The following ZDHHC21 variants were observed in gnomAD, a reference collection of about 807,000 sequenced individuals.
ZDHHC21 encodes the protein zDHHC palmitoyltransferase 21.
A neutral mutation model predicts 34.6 loss-of-function variants in ZDHHC21; 15 were observed. The observed-to-expected ratio is 0.43, with a 90% CI of 0.29 to 0.67. ZDHHC21 has a LOEUF of 0.67. ZDHHC21 is among the 30% of genes least tolerant of loss of function. The pLI is 0.14. For synonymous variants in ZDHHC21, 142 were observed against 101.8 expected, an observed-to-expected ratio of 1.40 and a Z score of -2.38; for missense variants, 344 against 327.7, an observed-to-expected ratio of 1.05 and a Z score of -0.38.
At position 14,614,604 on chromosome 9, in the gene ZDHHC21, T is replaced by C. The variant is rs974695865; in HGVS notation, c.*4362A>G. ...GAATTCAACTGAGAATGACTAAATA[T>C]AGAGCACAATGAAATCTGTGATTTA... On this transcript the variant is annotated 3_prime_UTR_variant, in exon 10 of 10. Coordinates refer to ENST00000380916, the MANE Select transcript of ZDHHC21 (RefSeq NM_178566.6). 1 of 151,728 alleles carries C rather than the reference T, an allele frequency of 6.6e-6. No individual in the cohort carries two copies. Among genetic ancestry groups the C allele is most frequent in the Non-Finnish European group, 1.5e-5 (1 of 67,724 alleles). 9.4% of individuals were successfully genotyped at this position (151,728 alleles called of 1,614,324 possible). A position where few individuals can be genotyped will look rare whatever the true frequency, so the allele number is the denominator to read the frequency against.
chr9:14,619,091 G>A lies in ZDHHC21; in HGVS notation c.673C>T (p.Pro225Ser), dbSNP rs755458582. 3.1e-6 allele frequency: 5 copies of A among 1,608,014 alleles called. No homozygotes were observed. Among genetic ancestry groups the A allele is most frequent in the South Asian group, 2.2e-5 (2 of 90,164 alleles). ...MSNCCEDISRPRKPWQQTFSE... is the reference protein window; with the variant it reads ...MSNCCEDISRSRKPWQQTFSE... The stretch of plus-strand genomic sequence containing the variant: ...AAGGTCTGCTGCCATGGCTTTCGGG[G>A]CCTCGATCTACAGAAGACAGCATTA... Residue 225 changes from proline (P) to serine (S), a missense_variant, in exon 10 of 10, where the codon CCC becomes TCC. Pro to Ser is a moderately conservative substitution (Grantham distance 74). Transcript: ENST00000380916.
rs554483655 is a variant in ZDHHC21 at position 14,635,762 on chromosome 9, G to A, written c.621+4134C>T. On this transcript the variant is annotated intron_variant, in intron 8 of 9. Transcript: ENST00000380916. ...GTATAAAACCCACTCTTGGGTGGTTGAGGCACAAGAATTGCTTGAACCTGG... is the reference window on the plus strand; with the variant it reads ...GTATAAAACCCACTCTTGGGTGGTTAAGGCACAAGAATTGCTTGAACCTGG... Among the ~76,000 whole-genome samples the A allele has an allele frequency of 2.0e-5, 3 of 152,292 alleles. No homozygotes were observed. The East Asian group carries it at 5.8e-4, about 29-fold the overall frequency.
rs62532736 is a variant in ZDHHC21, at chr9:14,636,058, T to A, written c.621+3838A>T. ...AAATGACAGGAGTAAGCCTCACATA[T>A]CAATAATAATCTTTAATGTAAATGG... On this transcript the variant is annotated intron_variant, in intron 8 of 9. Coordinates refer to ENST00000380916, the MANE Select transcript of ZDHHC21 (RefSeq NM_178566.6). 2.0e-5 allele frequency among the ~76,000 whole-genome samples: 3 copies of A among 152,026 alleles called. No individual in the cohort carries two copies. In the East Asian group the frequency reaches 5.8e-4, roughly 29 times the overall value.
At chr9:14,650,025 T>A (rs1042045800) in intron 7 of ZDHHC21, among the ~76,000 whole-genome samples, 1 of 152,064 alleles carries the variant, frequency 6.6e-6, no homozygotes, top group African/African-American at 2.4e-5. Context: ...AAATTTTCTA[T>A]GTTAAATGCT....
At position 14,617,635 on chromosome 9, in the gene ZDHHC21, A is replaced by G. The variant is rs1286197537; in HGVS notation, c.*1331T>C. 6.6e-6 allele frequency: 1 copy of G among 152,048 alleles called. No homozygotes were observed. The highest frequency in any genetic ancestry group is 1.5e-5 in the Non-Finnish European group (1 of 67,954). The allele number at this position is 152,048 out of a possible 1,614,324, so 9.4% of individuals were successfully genotyped here. On this transcript the variant is annotated 3_prime_UTR_variant, in exon 10 of 10. Transcript: ENST00000380916. ...AGATATATGGGTTTTGCAGTATTCTAATGGAAAAAAACTAAAAGCTGAGTT... is the reference window on the plus strand; with the variant it reads ...AGATATATGGGTTTTGCAGTATTCTGATGGAAAAAAACTAAAAGCTGAGTT...
intron 7 of ZDHHC21, among the ~76,000 whole-genome samples, chr9:14,654,397 C>T (rs1011973255): frequency 6.6e-6 from 1 of 150,594 alleles, no homozygotes; most frequent in Non-Finnish European, 1.5e-5. Flanking sequence ...TATATCCTAT[C>T]AAAAAAAAAG....
chr9:14,589,419 C>T, the ZDHHC21 span: 2 of 152,044 alleles, frequency 1.3e-5, no homozygotes. Flanking sequence ...TGTTTGCAGT[C>T]ACTTGGTAGA....
the ZDHHC21 span, among the ~76,000 whole-genome samples, chr9:14,592,655 T>A: frequency 5.9e-5 from 9 of 152,078 alleles, no homozygotes; most frequent in African/African-American, 2.2e-4. Flanking sequence ...AACAAACACA[T>A]CAACCAACTG....
intron 7 of ZDHHC21, among the ~76,000 whole-genome samples, chr9:14,645,330 A>T (rs1830101267): frequency 1.3e-5 from 2 of 152,108 alleles, no homozygotes; most frequent in African/African-American, 2.4e-5. Flanking sequence ...ATTAGGAGAA[A>T]GATGGCACTA....
At chr9:14,599,248 G>A in the ZDHHC21 span, among the ~76,000 whole-genome samples, 5 of 152,114 alleles carry the variant, frequency 3.3e-5, no homozygotes, top group African/African-American at 4.8e-5. Flanking sequence ...TGAGGTACCC[G>A]GCTCATCTCA....
intron 2 of ZDHHC21, chr9:14,683,794 C>T (rs200978793): frequency 6.6e-6 from 1 of 152,166 alleles, no homozygotes; most frequent in Admixed American, 6.6e-5. Flanking sequence ...TCGATGCAAA[C>T]ATCCTCAGTA....
chr9:14,645,505 A>G (rs1034416255), intron 7 of ZDHHC21, among the ~76,000 whole-genome samples: 10 of 152,182 alleles, frequency 6.6e-5, no homozygotes, highest in Non-Finnish European at 1.5e-4. Context: ...AGATGATAAT[A>G]AAGGAGAATT....
At chr9:14,591,884 G>A in the ZDHHC21 span, among the ~76,000 whole-genome samples, 5 of 151,710 alleles carry the variant, frequency 3.3e-5, no homozygotes, top group East Asian at 9.6e-4. Flanking sequence ...TAGCTCTTAT[G>A]ATTACTGCTT....
At position 14,615,447 on chromosome 9, in the gene ZDHHC21, C is replaced by CT. The variant is rs1564176786; in HGVS notation, c.*3518dup. 2 of 151,626 alleles carry CT rather than the reference C, an allele frequency of 1.3e-5. No individual in the cohort carries two copies. The highest frequency in any genetic ancestry group is 2.4e-5 in the African/African-American group (1 of 41,378). 9.4% of individuals were successfully genotyped at this position (151,626 alleles called of 1,614,324 possible). The stretch of plus-strand genomic sequence containing the variant: ...ATTTCATTATTAAAAATAAACCATG[C>CT]TTTTTTTCTGAAAAAGTTAATATGT... On this transcript the variant is annotated 3_prime_UTR_variant, in exon 10 of 10. Transcript: ENST00000380916.
intron 8 of ZDHHC21, among the ~76,000 whole-genome samples, chr9:14,639,293 G>T (rs2382493): frequency 0.97 from 147,045 of 152,170 alleles, 71,074 homozygotes; most frequent in East Asian, 0.99. Context: ...CACTCATATG[G>T]GAGAGCCAAA....
chr9:14,627,412 G>A (rs1299891311), intron 8 of ZDHHC21, among the ~76,000 whole-genome samples: 1 of 152,094 alleles, frequency 6.6e-6, no homozygotes, highest in Non-Finnish European at 1.5e-5. Context: ...GAAAAGCTTT[G>A]ATTTAAGCTA....
chr9:14,679,459 A>G (rs1422999200), intron 3 of ZDHHC21, among the ~76,000 whole-genome samples: 4 of 152,208 alleles, frequency 2.6e-5, no homozygotes, highest in Non-Finnish European at 5.9e-5. Flanking sequence ...ATATGCAGGT[A>G]TGTGCATAAG....
At chr9:14,610,155 C>T (rs565566491), downstream of ZDHHC21, among the ~76,000 whole-genome samples, 1 of 152,000 alleles carries the variant, frequency 6.6e-6, no homozygotes, top group Admixed American at 6.6e-5. Context: ...TTTTCTATTA[C>T]AATAAATACT....
chr9:14,654,821 G>A (rs10810201), intron 7 of ZDHHC21, among the ~76,000 whole-genome samples: 54,766 of 151,744 alleles, frequency 0.36, 10,188 homozygotes, highest in Non-Finnish European at 0.39. Context: ...GAAGCACAGA[G>A]GGGGAATAAA....
Sources: allele counts gnomAD v4.1 joint callset (sites outside exome capture counted in the v4.1 genomes callset), GRCh38; gene constraint gnomAD v4.1.1; transcripts MANE v1.5; gene names NCBI Gene and HGNC (gene_info 2026-07-23, HGNC 2026-07-21).